The following THOC1 variants were observed in gnomAD, a reference collection of about 807,000 sequenced individuals.
THOC1 encodes the protein THO complex 1.
THOC1 carries 29 observed loss-of-function variants against 97.3 expected under a neutral mutation model. That is an observed-to-expected ratio of 0.30 (90% CI 0.22 to 0.41). The LOEUF is 0.41. THOC1 is among the 10% of genes least tolerant of loss of function. THOC1 has a pLI of 1.00. For synonymous variants in THOC1, 255 were observed against 257.0 expected, an observed-to-expected ratio of 0.99 and a Z score of 0.07; for missense variants, 529 against 761.9, an observed-to-expected ratio of 0.69 and a Z score of 3.60.
At chr18:228,176 A>G (rs1911362076) in intron 11 of THOC1, among the ~76,000 whole-genome samples, 2 of 151,818 alleles carry the variant, frequency 1.3e-5, no homozygotes, top group Admixed American at 6.6e-5. Context: ...CCAGCTACCC[A>G]CTACTGTGGC....
chr18:224,041 A>G, intron 16 of THOC1, 43 bp downstream of exon 16: 1 of 1,322,438 alleles, frequency 7.6e-7, no homozygotes, highest in Non-Finnish European at 1.1e-6. Context: ...TTCAAAATAT[A>G]AAAATAACTA....
rs781280898 is a variant in THOC1, at chr18:259,228, G to A, written c.472C>T (p.Arg158Trp). 11 of 1,612,516 alleles carry A rather than the reference G, an allele frequency of 6.8e-6. No individual in the cohort carries two copies. The highest frequency in any genetic ancestry group is 4.5e-5 in the East Asian group (2 of 44,812). Residue 158 changes from arginine (R) to tryptophan (W), a missense_variant, in exon 7 of 21, where the codon CGG (arginine) becomes TGG (tryptophan). Around this residue, in one of 8 missense-constraint regions of THOC1, gnomAD observed 49 missense variants for 91.7 expected, o/e 0.53. Transcript: ENST00000261600. ...SKSQNTVFCG[R>W]IQLFLARLFP... The stretch of plus-strand genomic sequence containing the variant: ...AGCCTGGCCAAAAAGAGCTGAATCC[G>A]TCCACAGAAGACTGTATTCTGGGAT...
At chr18:256,693 G>A (rs1912447473) in intron 7 of THOC1, among the ~76,000 whole-genome samples, 1 of 152,048 alleles carries the variant, frequency 6.6e-6, no homozygotes, top group Non-Finnish European at 1.5e-5. Flanking sequence ...TTTTTTCTGA[G>A]ACAGAGTTTA....
Position 264,061 on chromosome 18 carries a change from G to A in THOC1, c.221C>T (p.Ala74Val). 6.2e-7 allele frequency: 1 copy of A among 1,612,184 alleles called. No homozygotes were observed. Among genetic ancestry groups the A allele is most frequent in the East Asian group, 2.2e-5 (1 of 44,784 alleles). ...TCCCCCAATAGCAAGAGAAATAATA[G>A]CTAAAACGTTTTCACATGATGAATG... Reference protein sequence around the residue: ...INHSSCENVLAIISLAIGGVT... With the variant: ...INHSSCENVLVIISLAIGGVT... Residue 74 changes from alanine (A) to valine (V), a missense_variant, in exon 4 of 21, where the codon GCT becomes GTT. Physicochemically the swap from Ala to Val is moderately conservative, Grantham distance 64. Coordinates refer to ENST00000261600, the MANE Select transcript of THOC1 (RefSeq NM_005131.3).
intron 11 of THOC1, among the ~76,000 whole-genome samples, chr18:230,076 A>G (rs914643181): frequency 1.3e-5 from 2 of 152,210 alleles, no homozygotes; most frequent in Non-Finnish European, 2.9e-5. Context: ...TGAATGTTCA[A>G]CTGACACCTG....
rs751703160 is a variant in THOC1, at chr18:221,393, A to G, written c.1370+2047T>C. On this transcript the variant is annotated intron_variant, in intron 17 of 20. Transcript: ENST00000261600. ...TTTTGAGAACACATTCTTAGAAAAT[A>G]AAGTTTAAAATGTGTATATTTCTAT... 4.3e-4 allele frequency among the ~76,000 whole-genome samples: 66 copies of G among 152,136 alleles called. 1 individual carries two copies. Among genetic ancestry groups the G allele is most frequent in the Non-Finnish European group, 3.1e-4 (21 of 68,030 alleles).
intron 10 of THOC1, 32 bp from the exon 11 acceptor site, chr18:246,487 A>C (rs775517820): frequency 1.3e-6 from 2 of 1,550,726 alleles, no homozygotes; most frequent in Admixed American, 4.2e-5. Flanking sequence ...TTTATTCGAC[A>C]TTGTTACCCA....
chr18:257,040 C>G (rs1008547959), intron 7 of THOC1, among the ~76,000 whole-genome samples: 2 of 152,120 alleles, frequency 1.3e-5, no homozygotes, highest in Non-Finnish European at 1.5e-5. Flanking sequence ...ACGGTATGTA[C>G]ATTTTTTTAG....
chr18:225,190 G>A (rs1911238481), intron 13 of THOC1, 51 bp from the exon 14 acceptor site: 1 of 1,541,420 alleles, frequency 6.5e-7, no homozygotes, highest in Non-Finnish European at 8.8e-7. Flanking sequence ...TGCATCATAG[G>A]AGTGGTTTGT....
At chr18:244,834 C>T (rs1912032239) in intron 11 of THOC1, 1 of 151,916 alleles carries the variant, frequency 6.6e-6, no homozygotes, top group Non-Finnish European at 1.5e-5. Context: ...ATCTATTCAC[C>T]ATGGCTTTTA....
chr18:238,564 G>A (rs1465662072), intron 11 of THOC1, among the ~76,000 whole-genome samples: 2 of 152,190 alleles, frequency 1.3e-5, no homozygotes, highest in Non-Finnish European at 2.9e-5. Context: ...GCATGTTACT[G>A]CACTGAATAC....
intron 11 of THOC1, among the ~76,000 whole-genome samples, chr18:233,443 G>A (rs621979): frequency 0.15 from 22,903 of 152,044 alleles, 2,227 homozygotes; most frequent in Non-Finnish European, 0.23. Flanking sequence ...AAAATTACCC[G>A]GGCATGGTGG....
intron 11 of THOC1, among the ~76,000 whole-genome samples, chr18:236,574 A>G (rs1911706065): frequency 6.6e-6 from 1 of 151,572 alleles, no homozygotes; most frequent in South Asian, 2.1e-4. Context: ...CGTGTTAGCC[A>G]GGATGGTCTC....
chr18:227,334 A>G (rs949499709), intron 11 of THOC1, among the ~76,000 whole-genome samples: 1 of 152,112 alleles, frequency 6.6e-6, no homozygotes, highest in Non-Finnish European at 1.5e-5. Context: ...ATTTTTTTTT[A>G]AAGTAAAACT....
intron 11 of THOC1, among the ~76,000 whole-genome samples, chr18:241,347 G>C (rs1893155): frequency 0.22 from 32,790 of 152,084 alleles, 3,988 homozygotes; most frequent in South Asian, 0.35. Flanking sequence ...ATTTAAGGCA[G>C]AATGACTATA....
Position 218,904 on chromosome 18 carries a change from A to G in THOC1, c.1436T>C (p.Met479Thr). The G allele has an allele frequency of 1.2e-6, 2 of 1,602,664 alleles. No individual in the cohort carries two copies. Among genetic ancestry groups the G allele is most frequent in the Non-Finnish European group, 8.5e-7 (1 of 1,173,696 alleles). The change falls in exon 18 of 21, where the codon ATG becomes ACG. Residue 479 changes from methionine (M) to threonine (T), a missense_variant. Physicochemically the swap from Met to Thr is moderately conservative, Grantham distance 81. This residue lies in a region of THOC1 where 123 missense variants were observed against 159.0 expected (regional missense o/e 0.77). Coordinates refer to ENST00000261600, the MANE Select transcript of THOC1 (RefSeq NM_005131.3). ...EAIEQADPEN[M>T]VENEYKAVNN... The stretch of plus-strand genomic sequence containing the variant: ...TACTTACTTATATTCATTTTCCACC[A>G]TATTTTCAGGGTCTGCCTGTTCAAT...
At chr18:248,521 A>G (rs1912168768) in intron 9 of THOC1, among the ~76,000 whole-genome samples, 1 of 152,190 alleles carries the variant, frequency 6.6e-6, no homozygotes, top group African/African-American at 2.4e-5. Flanking sequence ...ATCAACTTTT[A>G]TGTTGTTTAA....
At position 221,951 on chromosome 18, in the gene THOC1, G is replaced by T. The variant is rs75002081; in HGVS notation, c.1370+1489C>A. On this transcript the variant is annotated intron_variant, in intron 17 of 20. Coordinates refer to ENST00000261600, the MANE Select transcript of THOC1 (RefSeq NM_005131.3). ...AACACCAATTTCTGTCTTTGAGCCA[G>T]AAAGTCCATTTCCATTTATATTTGA... 4.7e-3 allele frequency among the ~76,000 whole-genome samples: 717 copies of T among 152,242 alleles called. 42 individuals are homozygous for T. The East Asian group carries it at 0.12, about 25-fold the overall frequency.
chr18:227,311 A>AT (rs1019992925), intron 11 of THOC1, among the ~76,000 whole-genome samples: 5 of 151,394 alleles, frequency 3.3e-5, no homozygotes, highest in African/African-American at 1.2e-4. Context: ...AAGACTCTAA[A>AT]TTTAAAAAAA....
Sources: gnomAD v4.1 joint callset for allele counts (sites outside exome capture counted in the v4.1 genomes callset) on GRCh38, gnomAD v4.1.1 for gene constraint, gnomAD v4.1.1 regional missense constraint, MANE v1.5 for transcripts, NCBI Gene and HGNC (gene_info 2026-07-23, HGNC 2026-07-21) for gene names.